The following RAP1GDS1 variants were observed in gnomAD, a reference collection of about 807,000 sequenced individuals.
The protein encoded by RAP1GDS1 is RAP1, GTP-GDP dissociation stimulator 1.
A neutral mutation model predicts 71.1 loss-of-function variants in RAP1GDS1; 35 were observed. The observed-to-expected ratio is 0.49, with a 90% CI of 0.38 to 0.65. The LOEUF (loss-of-function observed/expected upper bound fraction) is 0.65. Ranked by LOEUF, RAP1GDS1 falls within the 30% of genes least tolerant of loss-of-function variation. The pLI, the probability that RAP1GDS1 is intolerant of heterozygous loss-of-function variation, is 0.00. For synonymous variants in RAP1GDS1, 229 were observed against 243.1 expected, an observed-to-expected ratio of 0.94 and a Z score of 0.54; for missense variants, 663 against 706.1, an observed-to-expected ratio of 0.94 and a Z score of 0.69.
chr4:98,261,413 C>T lies in RAP1GDS1; in HGVS notation c.-153C>T, dbSNP rs1488999346. 3 of 432,064 alleles carry T rather than the reference C, an allele frequency of 6.9e-6. No individual in the cohort carries two copies. Among genetic ancestry groups the T allele is most frequent in the Non-Finnish European group, 1.1e-5 (3 of 285,314 alleles). The allele number at this position is 432,064 out of a possible 1,614,324, so 26.8% of individuals were successfully genotyped here. On this transcript the variant is annotated 5_prime_UTR_variant, in exon 1 of 15. Transcript: ENST00000408927. ...GTCCCCGCCGCGGCCGCGCCGCCTG[C>T]AGCAGCACCAGCTGCTCCTCCCCGG...
At chr4:98,438,649 G>A (rs1476003107) in intron 14 of RAP1GDS1, among the ~76,000 whole-genome samples, 2 of 138,164 alleles carry the variant, frequency 1.4e-5, no homozygotes, top group Admixed American at 1.6e-4. Flanking sequence ...CTGGAGTGCA[G>A]TGGCGTGATT....
chr4:98,276,042 T>C (rs776399161), intron 1 of RAP1GDS1, among the ~76,000 whole-genome samples: 1 of 150,242 alleles, frequency 6.7e-6, no homozygotes, highest in Non-Finnish European at 1.5e-5. Context: ...AAACAACAGA[T>C]TTTTTTTTCC....
intron 12 of RAP1GDS1, among the ~76,000 whole-genome samples, chr4:98,424,353 T>G (rs1055084616): frequency 2.6e-5 from 4 of 152,142 alleles, no homozygotes; most frequent in African/African-American, 9.7e-5. Flanking sequence ...ACGAATTGTC[T>G]TGGGCCACAC....
intron 10 of RAP1GDS1, among the ~76,000 whole-genome samples, chr4:98,419,222 ATT>A (rs879834115): frequency 6.8e-6 from 1 of 146,036 alleles, no homozygotes. Context: ...TGCCCAGCTG[ATT>A]TTTTTTTTTT....
At chr4:98,270,468 C>G (rs1723298235) in intron 1 of RAP1GDS1, among the ~76,000 whole-genome samples, 1 of 152,044 alleles carries the variant, frequency 6.6e-6, no homozygotes, top group Non-Finnish European at 1.5e-5. Context: ...TTAGCTTTGT[C>G]TGAATAAATG....
chr4:98,431,307 G>A (rs1028933070), intron 12 of RAP1GDS1, among the ~76,000 whole-genome samples: 22 of 152,010 alleles, frequency 1.4e-4, no homozygotes, highest in African/African-American at 3.6e-4. Context: ...TATACCAACC[G>A]GCAATCTTAT....
intron 4 of RAP1GDS1, among the ~76,000 whole-genome samples, chr4:98,368,780 GAGA>G (rs1452771650): frequency 6.6e-6 from 1 of 152,060 alleles, no homozygotes; most frequent in African/African-American, 2.4e-5. Context: ...GTTGATTTTG[GAGA>G]AGGAGAAGCC....
chr4:98,378,435 G>A (rs1578653367), intron 4 of RAP1GDS1, among the ~76,000 whole-genome samples: 3 of 151,874 alleles, frequency 2.0e-5, no homozygotes, highest in African/African-American at 7.2e-5. Context: ...ACATGCTTCT[G>A]GACTATAGGA....
chr4:98,390,966 T>G (rs1743537327), intron 5 of RAP1GDS1, among the ~76,000 whole-genome samples: 1 of 152,124 alleles, frequency 6.6e-6, no homozygotes, highest in Admixed American at 6.6e-5. Flanking sequence ...AATTATTAGC[T>G]TGAAAATGGC....
At chr4:98,420,900 C>T (rs1186425508) in intron 11 of RAP1GDS1, among the ~76,000 whole-genome samples, 2 of 152,186 alleles carry the variant, frequency 1.3e-5, no homozygotes, top group Non-Finnish European at 2.9e-5. Flanking sequence ...GTCAGAACCA[C>T]TCCTAGGAAT....
chr4:98,346,940 A>G (rs1336647583), intron 3 of RAP1GDS1, among the ~76,000 whole-genome samples: 1 of 152,242 alleles, frequency 6.6e-6, no homozygotes, highest in Non-Finnish European at 1.5e-5. Flanking sequence ...ATTCTTTTAT[A>G]TTCATGCCTC....
At chr4:98,364,067 G>A (rs1314194029) in intron 4 of RAP1GDS1, among the ~76,000 whole-genome samples, 1 of 151,966 alleles carries the variant, frequency 6.6e-6, no homozygotes, top group African/African-American at 2.4e-5. Flanking sequence ...TTTGCTGCAG[G>A]CATTATTAAG....
rs1751956134 is a variant in RAP1GDS1 at position 98,442,097 on chromosome 4, A to G, written c.1804A>G (p.Arg602Gly). 1 of 1,613,598 alleles carries G rather than the reference A, an allele frequency of 6.2e-7. No homozygotes were observed. The highest frequency in any genetic ancestry group is 1.3e-5 in the African/African-American group (1 of 74,930). ...CCAGCAGGCCTCTCTCACAGAGCAG[A>G]GACTTACTGTGGAAAGCTGAGAACT... ...VAQQASLTEQ[R>G]LTVES is the part of the protein sequence containing the mutation. Residue 602 changes from arginine (R) to glycine (G), a missense_variant, in exon 15 of 15, where the codon AGA becomes GGA. Coordinates refer to ENST00000408927, the MANE Select transcript of RAP1GDS1 (RefSeq NM_001100427.2).
chr4:98,295,461 A>G (rs909406211), intron 2 of RAP1GDS1, among the ~76,000 whole-genome samples: 3 of 152,090 alleles, frequency 2.0e-5, no homozygotes, highest in African/African-American at 7.2e-5. Flanking sequence ...AGTCTTTGAC[A>G]CCTGTCATTG....
intron 2 of RAP1GDS1, 65 bp from the exon 3 acceptor site, chr4:98,343,074 G>T (rs1735724624): frequency 6.8e-6 from 10 of 1,466,944 alleles, no homozygotes; most frequent in Admixed American, 2.3e-5. Flanking sequence ...ATTTATTGTA[G>T]ATAATGGTTG....
intron 14 of RAP1GDS1, among the ~76,000 whole-genome samples, chr4:98,437,957 A>G (rs767295196): frequency 5.9e-5 from 9 of 152,090 alleles, no homozygotes; most frequent in Non-Finnish European, 1.0e-4. Flanking sequence ...TACTAGTGTC[A>G]AGTTTCCTTT....
In RAP1GDS1 at chr4:98,425,951, C is replaced by T. The variant is rs185740810; in HGVS notation, c.1440+4557C>T. Among the ~76,000 whole-genome samples the T allele has an allele frequency of 2.6e-5, 4 of 152,180 alleles. No homozygotes were observed. The South Asian group carries it at 8.3e-4, about 32-fold the overall frequency. On this transcript the variant is annotated intron_variant, in intron 12 of 14. Coordinates refer to ENST00000408927, the MANE Select transcript of RAP1GDS1 (RefSeq NM_001100427.2). ...ATTCATTAGCAAATGGAACTTTTCT[C>T]CAAGATAGACCATATAATAGACCAC... is the stretch of plus-strand genomic sequence containing the variant.
chr4:98,405,456 A>T (rs1314037220), intron 7 of RAP1GDS1, among the ~76,000 whole-genome samples: 2 of 152,128 alleles, frequency 1.3e-5, no homozygotes, highest in African/African-American at 4.8e-5. Flanking sequence ...CATAAAAGAG[A>T]ATAAGAGGTC....
In RAP1GDS1 at chr4:98,352,484, C is replaced by T. The variant is rs61758756; in HGVS notation, c.244C>T (p.Arg82Ter). 3.1e-6 allele frequency: 5 copies of T among 1,612,720 alleles called. No individual in the cohort carries two copies. Among genetic ancestry groups the T allele is most frequent in the African/African-American group, 1.3e-5 (1 of 74,828 alleles). ...ATGTCTCTTATTTTCAGAGTTTATG[C>T]GAATTCCATGTGTGGATGCTGGATT... ...IAEVAKNEFM[R>*]IPCVDAGLIS... The change falls in exon 4 of 15, where the codon CGA becomes TGA. Residue 82 changes from arginine (R) to a stop codon, truncating the protein, a stop_gained. Transcript: ENST00000408927. LOFTEE classifies it high-confidence loss of function.
Sources: allele counts gnomAD v4.1 joint callset (sites outside exome capture counted in the v4.1 genomes callset), GRCh38; gene constraint gnomAD v4.1.1; transcripts MANE v1.5; gene names NCBI Gene and HGNC (gene_info 2026-07-23, HGNC 2026-07-21).